RBFOX1: variants seen among roughly 807,000 people sequenced by gnomAD.
RBFOX1 encodes RNA binding protein fox-1 homolog 1.
A neutral mutation model predicts 57.7 loss-of-function variants in RBFOX1; 8 were observed. That is an observed-to-expected ratio of 0.14 (90% CI 0.08 to 0.25). The LOEUF is 0.25. Ranked by LOEUF, RBFOX1 falls within the 10% of genes least tolerant of loss-of-function variation. The pLI is 1.00. For missense variants in RBFOX1, 611 were observed against 548.5 expected, an observed-to-expected ratio of 1.11 and a Z score of -1.14; for synonymous variants, 326 against 222.4, an observed-to-expected ratio of 1.47 and a Z score of -4.15.
At chr16:5,639,591 C>T (rs2048795631) in intron 3 of RBFOX1, among the ~76,000 whole-genome samples, 1 of 152,206 alleles carries the variant, frequency 6.6e-6, no homozygotes, top group African/African-American at 2.4e-5. Flanking sequence ...CACTCTCTAT[C>T]ATCTCCTGAA....
At chr16:5,635,028 C>G (rs781075854) in intron 3 of RBFOX1, among the ~76,000 whole-genome samples, 1 of 152,126 alleles carries the variant, frequency 6.6e-6, no homozygotes, top group Non-Finnish European at 1.5e-5. Context: ...GTCAGGCAGT[C>G]TCAGAGTCTA....
At chr16:7,509,446 G>GGTTTT (rs1180211509) in intron 4 of RBFOX1, among the ~76,000 whole-genome samples, 11 of 151,968 alleles carry the variant, frequency 7.2e-5, no homozygotes, top group Non-Finnish European at 1.5e-4. Context: ...GTCTGTGTCT[G>GGTTTT]TGTGTGGTTT....
chr16:6,110,543 G>C (rs2096434210), intron 1 of RBFOX1, among the ~76,000 whole-genome samples: 1 of 152,098 alleles, frequency 6.6e-6, no homozygotes, highest in Non-Finnish European at 1.5e-5. Flanking sequence ...TACCCGCTGG[G>C]CTGTTTCAAA....
chr16:5,713,401 G>T (rs1019611800), intron 3 of RBFOX1, among the ~76,000 whole-genome samples: 1 of 152,180 alleles, frequency 6.6e-6, no homozygotes, highest in South Asian at 2.1e-4. Context: ...GAACCATAGA[G>T]ATTGGTGAAA....
At position 7,597,490 on chromosome 16, in the gene RBFOX1, T is replaced by C. The variant is rs565944222; in HGVS notation, c.622+59T>C. On this transcript the variant is annotated intron_variant, in intron 9 of 15. Coordinates refer to ENST00000550418, the MANE Select transcript of RBFOX1 (RefSeq NM_018723.4). ...CTCTACTTCTGACTCTTTAAGTAAT[T>C]TAACCAGAGATTCTATTACAACAAG... 4 of 1,420,414 alleles carry C rather than the reference T, an allele frequency of 2.8e-6. No individual in the cohort carries two copies. In the South Asian group the frequency reaches 4.9e-5, roughly 17 times the overall value. The allele number at this position is 1,420,414 out of a possible 1,614,324, so 88.0% of individuals were successfully genotyped here.
intron 4 of RBFOX1, among the ~76,000 whole-genome samples, chr16:7,169,244 A>G (rs1226842716): frequency 6.6e-6 from 1 of 152,228 alleles, no homozygotes; most frequent in Non-Finnish European, 1.5e-5. Context: ...AAATCATAAT[A>G]ACATATTATT....
intron 2 of RBFOX1, among the ~76,000 whole-genome samples, chr16:5,553,964 C>T (rs888445281): frequency 7.8e-5 from 10 of 127,646 alleles, no homozygotes; most frequent in Non-Finnish European, 1.3e-4. Context: ...TCTTATAACA[C>T]GTATTCTTTT....
chr16:6,446,219 G>T (rs1429980216), intron 2 of RBFOX1, among the ~76,000 whole-genome samples: 2 of 152,042 alleles, frequency 1.3e-5, no homozygotes, highest in Non-Finnish European at 2.9e-5. Flanking sequence ...GCCCAGGCTG[G>T]TCTAGAACTT....
chr16:7,344,860 C>G (rs929397249), intron 4 of RBFOX1, among the ~76,000 whole-genome samples: 1 of 152,218 alleles, frequency 6.6e-6, no homozygotes, highest in Non-Finnish European at 1.5e-5. Context: ...GGGGAAATGG[C>G]CATGTCTCTT....
intron 4 of RBFOX1, among the ~76,000 whole-genome samples, chr16:7,174,072 G>C (rs945174211): frequency 1.3e-5 from 2 of 152,166 alleles, no homozygotes; most frequent in African/African-American, 4.8e-5. Flanking sequence ...ATGCTGAATG[G>C]TGATTTAAGC....
In RBFOX1 at chr16:7,413,814, G is replaced by A. The variant is rs74547056; in HGVS notation, c.28-104333G>A. Among the ~76,000 whole-genome samples the A allele has an allele frequency of 3.1e-3, 473 of 152,238 alleles. 5 individuals are homozygous for A. The highest frequency in any genetic ancestry group is 0.011 in the African/African-American group (454 of 41,552). ...GAGCTGGATCCCAGGTACCTCTCAT[G>A]AAGCCCATGAACTTGGTTTCTACCC... is the stretch of plus-strand genomic sequence containing the variant. On this transcript the variant is annotated intron_variant, in intron 4 of 15. Transcript: ENST00000550418.
At chr16:5,898,646 A>G (rs533932102) in intron 4 of RBFOX1, among the ~76,000 whole-genome samples, 26 of 152,170 alleles carry the variant, frequency 1.7e-4, no homozygotes, top group South Asian at 1.0e-3. Context: ...AGGTTGTCCA[A>G]AATTACCCAG....
intron 4 of RBFOX1, among the ~76,000 whole-genome samples, chr16:5,929,020 CT>C (rs1266467640): frequency 7.1e-6 from 1 of 141,738 alleles, no homozygotes; most frequent in East Asian, 2.0e-4. Context: ...GTGTTTAAAG[CT>C]TCTTTCCAAT....
intron 4 of RBFOX1, among the ~76,000 whole-genome samples, chr16:7,204,454 C>A (rs1381387547): frequency 6.6e-6 from 1 of 152,090 alleles, no homozygotes; most frequent in African/African-American, 2.4e-5. Flanking sequence ...CCAGCCTAAG[C>A]AACATAGTAA....
At chr16:7,333,524 C>G (rs921484784) in intron 4 of RBFOX1, among the ~76,000 whole-genome samples, 1 of 152,150 alleles carries the variant, frequency 6.6e-6, no homozygotes, top group Non-Finnish European at 1.5e-5. Flanking sequence ...CGCCTCCACA[C>G]GGATTGTCTA....
chr16:7,438,637 G>A (rs960476267), intron 4 of RBFOX1, among the ~76,000 whole-genome samples: 21 of 152,298 alleles, frequency 1.4e-4, no homozygotes, highest in Admixed American at 9.2e-4. Flanking sequence ...TCAGGCTAAT[G>A]CATTCTCTTA....
At chr16:6,941,574 AAC>A (rs1350667017) in intron 3 of RBFOX1, among the ~76,000 whole-genome samples, 2 of 151,856 alleles carry the variant, frequency 1.3e-5, no homozygotes, top group Non-Finnish European at 2.9e-5. Flanking sequence ...TTGAAATTCC[AAC>A]AGGGAATCTC....
Position 7,376,567 on chromosome 16 carries a change from G to A in RBFOX1, c.28-141580G>A, listed in dbSNP as rs2097689494. Among the ~76,000 whole-genome samples, 3 of 152,096 alleles carry A rather than the reference G, an allele frequency of 2.0e-5. No individual in the cohort carries two copies. In the South Asian group the frequency reaches 6.2e-4, roughly 31 times the overall value. On this transcript the variant is annotated intron_variant, in intron 4 of 15. Transcript: ENST00000550418. ...ATTTTCCAACCTCCGAGTTTTCTGG[G>A]TTAGACCTCCAGCTAACTACCAGGG...
rs549816718 is a variant in RBFOX1, at chr16:6,303,565, C to G, written c.-126-13430C>G. Among the ~76,000 whole-genome samples the G allele has an allele frequency of 3.3e-5, 5 of 152,152 alleles. No homozygotes were observed. The East Asian group carries it at 5.8e-4, about 18-fold the overall frequency. On this transcript the variant is annotated intron_variant, in intron 1 of 15. Coordinates refer to ENST00000550418, the MANE Select transcript of RBFOX1 (RefSeq NM_018723.4). ...GGGTTTGCTTTTTGCGTTATTTTGT[C>G]TCTTTCTTTTCCTTCTCCGCTCTGG...
Sources: gnomAD v4.1 joint callset for allele counts (sites outside exome capture counted in the v4.1 genomes callset) on GRCh38, gnomAD v4.1.1 for gene constraint, MANE v1.5 for transcripts, NCBI Gene and HGNC (gene_info 2026-07-23, HGNC 2026-07-21) for gene names.